The following PTPRT variants were observed in gnomAD, a reference collection of about 807,000 sequenced individuals.
PTPRT encodes receptor-type tyrosine-protein phosphatase T.
PTPRT carries 56 observed loss-of-function variants against 176.8 expected under a neutral mutation model. The observed-to-expected ratio is 0.32, with a 90% CI of 0.26 to 0.40. PTPRT has a LOEUF of 0.40. PTPRT is among the 10% of genes least tolerant of loss of function. The pLI is 1.00. For missense variants in PTPRT, 1,540 were observed against 1,908.2 expected, an observed-to-expected ratio of 0.81 and a Z score of 3.60; for synonymous variants, 783 against 739.0, an observed-to-expected ratio of 1.06 and a Z score of -0.96.
chr20:42,500,430 C>T (rs187322941), intron 7 of PTPRT, among the ~76,000 whole-genome samples: 1 of 152,052 alleles, frequency 6.6e-6, no homozygotes, highest in Admixed American at 6.5e-5. Flanking sequence ...TATCCAGAGA[C>T]TTTGATATAG....
intron 7 of PTPRT, among the ~76,000 whole-genome samples, chr20:42,594,889 T>G (rs1243791157): frequency 6.6e-6 from 1 of 152,134 alleles, no homozygotes; most frequent in East Asian, 1.9e-4. Flanking sequence ...GTACTGTGGG[T>G]TGGTGTATGA....
At chr20:42,890,183 C>T (rs1004957258) in intron 1 of PTPRT, among the ~76,000 whole-genome samples, 6 of 152,196 alleles carry the variant, frequency 3.9e-5, no homozygotes, top group Non-Finnish European at 5.9e-5. Context: ...TCAGTAAAAG[C>T]TCATTGGGGC....
chr20:42,148,455 T>C (rs7344075), intron 17 of PTPRT, among the ~76,000 whole-genome samples: 20,332 of 152,028 alleles, frequency 0.13, 3,500 homozygotes, highest in African/African-American at 0.4. Context: ...AGAATATACA[T>C]TGAGTCTGTC....
intron 7 of PTPRT, among the ~76,000 whole-genome samples, chr20:42,641,843 C>T (rs904028264): frequency 6.6e-6 from 1 of 152,134 alleles, no homozygotes; most frequent in Non-Finnish European, 1.5e-5. Flanking sequence ...GGGAGCAATG[C>T]TTGGAGCCTG....
intron 7 of PTPRT, among the ~76,000 whole-genome samples, chr20:42,676,095 G>A (rs1302653066): frequency 1.3e-5 from 2 of 152,058 alleles, no homozygotes; most frequent in African/African-American, 4.8e-5. Context: ...TGGTGGTATC[G>A]TGTTGGCACT....
chr20:42,591,274 G>A (rs1050828463), intron 7 of PTPRT, among the ~76,000 whole-genome samples: 2 of 152,092 alleles, frequency 1.3e-5, no homozygotes, highest in Non-Finnish European at 2.9e-5. Context: ...GAGGGAAAGA[G>A]AAGCCTTAAG....
chr20:42,432,860 T>C (rs1409419838), intron 9 of PTPRT, among the ~76,000 whole-genome samples: 1 of 152,220 alleles, frequency 6.6e-6, no homozygotes, highest in South Asian at 2.1e-4. Context: ...CACTGATTTA[T>C]GTCTTTGCCT....
At chr20:43,014,183 C>G (rs1985267096) in intron 1 of PTPRT, among the ~76,000 whole-genome samples, 1 of 152,164 alleles carries the variant, frequency 6.6e-6, no homozygotes. Flanking sequence ...GACCTGGTAA[C>G]CACATGGCAC....
At chr20:42,780,466 A>G (rs1367359246) in intron 3 of PTPRT, among the ~76,000 whole-genome samples, 167 bp from the exon 4 acceptor site, 3 of 152,190 alleles carry the variant, frequency 2.0e-5, no homozygotes, top group Non-Finnish European at 4.4e-5. Flanking sequence ...GGGATTTTCA[A>G]CACAAGGTAA....
At chr20:43,147,399 A>T (rs1489542713) in intron 1 of PTPRT, among the ~76,000 whole-genome samples, 1 of 152,164 alleles carries the variant, frequency 6.6e-6, no homozygotes, top group African/African-American at 2.4e-5. Context: ...AACCATCATC[A>T]TCATCATCCT....
chr20:42,921,318 A>G (rs1288644611), intron 1 of PTPRT, among the ~76,000 whole-genome samples: 1 of 152,234 alleles, frequency 6.6e-6, no homozygotes, highest in Non-Finnish European at 1.5e-5. Context: ...CCAGGAGTCC[A>G]AGACAAGCCT....
At chr20:42,758,394 G>A (rs981911696) in intron 5 of PTPRT, among the ~76,000 whole-genome samples, 15 of 152,046 alleles carry the variant, frequency 9.9e-5, no homozygotes, top group Non-Finnish European at 1.9e-4. Context: ...AGCAAATGAG[G>A]GGAGACCAAT....
At chr20:42,936,974 C>T (rs985497550) in intron 1 of PTPRT, among the ~76,000 whole-genome samples, 5 of 152,206 alleles carry the variant, frequency 3.3e-5, no homozygotes, top group Non-Finnish European at 5.9e-5. Flanking sequence ...GGTGATGGAC[C>T]GTGGTCCACA....
intron 7 of PTPRT, among the ~76,000 whole-genome samples, chr20:42,545,315 T>A (rs6072786): frequency 0.37 from 56,582 of 151,904 alleles, 10,581 homozygotes; most frequent in Admixed American, 0.42. Flanking sequence ...GAGTTTTTAA[T>A]CCAGGGGTTC....
At chr20:42,144,204 G>C (rs781623135) in intron 17 of PTPRT, among the ~76,000 whole-genome samples, 1 of 152,166 alleles carries the variant, frequency 6.6e-6, no homozygotes, top group Non-Finnish European at 1.5e-5. Flanking sequence ...GAAGAACTGA[G>C]GGGGGAGAGA....
At chr20:42,913,307 G>C (rs1300886699) in intron 1 of PTPRT, among the ~76,000 whole-genome samples, 1 of 152,184 alleles carries the variant, frequency 6.6e-6, no homozygotes, top group Non-Finnish European at 1.5e-5. Flanking sequence ...CCCCTTCTGA[G>C]GGAGAAGAGG....
chr20:42,955,684 G>A (rs560706784), intron 1 of PTPRT, among the ~76,000 whole-genome samples: 4 of 152,168 alleles, frequency 2.6e-5, no homozygotes, highest in Admixed American at 6.5e-5. Context: ...TGAGGCTCAC[G>A]AAGACTACCT....
In PTPRT at chr20:42,778,597, G is replaced by A. The variant is rs141787435; in HGVS notation, c.568+1621C>T. ...AGGCATGTTTCAGAGAGACTACCTCGAAACTGGAGGTAGTGCAAGATTGAG... is the reference window on the plus strand; with the variant it reads ...AGGCATGTTTCAGAGAGACTACCTCAAAACTGGAGGTAGTGCAAGATTGAG... On this transcript the variant is annotated intron_variant, in intron 4 of 30. Transcript: ENST00000373187. 5.1e-3 allele frequency among the ~76,000 whole-genome samples: 771 copies of A among 152,266 alleles called. 3 individuals carry two copies. The highest frequency in any genetic ancestry group is 0.018 in the African/African-American group (731 of 41,550).
chr20:42,953,628 A>G (rs906169042), intron 1 of PTPRT, among the ~76,000 whole-genome samples: 1 of 152,164 alleles, frequency 6.6e-6, no homozygotes, highest in African/African-American at 2.4e-5. Context: ...CTCTGGCCCC[A>G]GCACTCAGAA....
Sources: gnomAD v4.1 joint callset for allele counts (sites outside exome capture counted in the v4.1 genomes callset) on GRCh38, gnomAD v4.1.1 for gene constraint, MANE v1.5 for transcripts, NCBI Gene and HGNC (gene_info 2026-07-23, HGNC 2026-07-21) for gene names.